Variants in ARHGAP24 observed in about 807,000 individuals in gnomAD.
The protein encoded by ARHGAP24 is Rho GTPase activating protein 24, also known as rho GTPase-activating protein 24.
Under a neutral mutation model 76.4 loss-of-function variants are expected in ARHGAP24, and 50 were observed. That is an observed-to-expected ratio of 0.65 (90% confidence interval 0.52 to 0.83). ARHGAP24 has a LOEUF of 0.83. Ranked by LOEUF, ARHGAP24 falls within the 40% of genes least tolerant of loss-of-function variation. The pLI, the probability that ARHGAP24 is intolerant of heterozygous loss-of-function variation, is 0.00. For missense variants in ARHGAP24, 930 were observed against 914.2 expected (o/e 1.02, Z -0.22); for synonymous variants, 345 against 323.3 (o/e 1.07, Z -0.72).
chr4:85,492,220 C>A (rs547434800), intron 1 of ARHGAP24, among the ~76,000 whole-genome samples: 4 of 152,092 alleles, frequency 2.6e-5, no homozygotes, highest in Admixed American at 1.3e-4. Flanking sequence ...ATTCCTTCTT[C>A]TTATTATTAC....
intron 2 of ARHGAP24, among the ~76,000 whole-genome samples, chr4:85,646,610 A>T (rs551842497): frequency 1.2e-4 from 19 of 152,208 alleles, no homozygotes; most frequent in African/African-American, 4.3e-4. Context: ...ATAGACCCTC[A>T]TTGAATAAAT....
intron 2 of ARHGAP24, among the ~76,000 whole-genome samples, chr4:85,671,110 G>A (rs1722801103): frequency 6.6e-6 from 1 of 152,058 alleles, no homozygotes; most frequent in Non-Finnish European, 1.5e-5. Context: ...ATTCTTAGAT[G>A]ACACCTTGTA....
At position 85,871,145 on chromosome 4, in the gene ARHGAP24, T is replaced by C. The variant is rs568368873; in HGVS notation, c.269-52503T>C. Among the ~76,000 whole-genome samples the C allele has an allele frequency of 1.1e-4, 17 of 152,228 alleles. 1 individual carries two copies. The South Asian group carries it at 3.5e-3, about 32-fold the overall frequency. ...ATAATTCTATTATACAGTCTTAGGGTTTAACCCCTACAATTGTTTTACATT... is the reference window on the plus strand; with the variant it reads ...ATAATTCTATTATACAGTCTTAGGGCTTAACCCCTACAATTGTTTTACATT... On this transcript the variant is annotated intron_variant, in intron 3 of 9. Coordinates refer to ENST00000395184, the MANE Select transcript of ARHGAP24 (RefSeq NM_001025616.3).
chr4:85,625,265 C>T (rs377040658), intron 2 of ARHGAP24, among the ~76,000 whole-genome samples: 18 of 152,028 alleles, frequency 1.2e-4, no homozygotes, highest in African/African-American at 1.7e-4. Flanking sequence ...GATTCTGGTA[C>T]GTTGTGTCTT....
chr4:85,799,472 T>C (rs1186677633), intron 3 of ARHGAP24, among the ~76,000 whole-genome samples: 1 of 152,182 alleles, frequency 6.6e-6, no homozygotes, highest in South Asian at 2.1e-4. Context: ...GAGTCTATAC[T>C]AATAGAAATA....
chr4:85,973,080 G>C (rs2148852185), intron 6 of ARHGAP24, among the ~76,000 whole-genome samples: 1 of 152,182 alleles, frequency 6.6e-6, no homozygotes, highest in East Asian at 1.9e-4. Flanking sequence ...TATATACCTA[G>C]AAGGTAGAAT....
intron 1 of ARHGAP24, among the ~76,000 whole-genome samples, chr4:85,561,235 A>G (rs980409099): frequency 6.6e-5 from 10 of 152,326 alleles, no homozygotes; most frequent in African/African-American, 2.4e-4. Context: ...AAGGATAAAT[A>G]GAAGTTAACC....
intron 1 of ARHGAP24, among the ~76,000 whole-genome samples, chr4:85,544,984 G>C (rs1725860344): frequency 6.6e-6 from 1 of 152,026 alleles, no homozygotes; most frequent in African/African-American, 2.4e-5. Flanking sequence ...GGTGACTGCA[G>C]ATCGTGTCAC....
intron 2 of ARHGAP24, among the ~76,000 whole-genome samples, chr4:85,720,812 AAAG>A (rs147482548): frequency 0.044 from 6,687 of 152,238 alleles, 445 homozygotes; most frequent in African/African-American, 0.15. Flanking sequence ...GAAACAAAGG[AAAG>A]AAGGTGCTTC....
At chr4:85,523,606 T>C (rs1004539532) in intron 1 of ARHGAP24, among the ~76,000 whole-genome samples, 1 of 152,190 alleles carries the variant, frequency 6.6e-6, no homozygotes, top group Non-Finnish European at 1.5e-5. Flanking sequence ...TTTCTTTAAC[T>C]TCATAATGCA....
chr4:85,533,902 T>G (rs1198476915), intron 1 of ARHGAP24, among the ~76,000 whole-genome samples: 2 of 152,212 alleles, frequency 1.3e-5, no homozygotes, highest in Non-Finnish European at 2.9e-5. Context: ...GTTAAGTCAC[T>G]CTCTTCGAAA....
intron 1 of ARHGAP24, among the ~76,000 whole-genome samples, chr4:85,493,523 C>T (rs1723440942): frequency 6.6e-6 from 1 of 152,180 alleles, no homozygotes; most frequent in Admixed American, 6.5e-5. Flanking sequence ...TCCATTACAA[C>T]TGATATTTAT....
intron 3 of ARHGAP24, among the ~76,000 whole-genome samples, chr4:85,915,042 T>A (rs560228250): frequency 7.9e-5 from 12 of 152,348 alleles, no homozygotes; most frequent in Non-Finnish European, 1.8e-4. Flanking sequence ...TCTACCTTTA[T>A]TTCTTGGAAG....
chr4:85,981,976 C>G (rs892515344), intron 8 of ARHGAP24, among the ~76,000 whole-genome samples: 2 of 152,100 alleles, frequency 1.3e-5, no homozygotes, highest in African/African-American at 4.8e-5. Flanking sequence ...TTCCTTCCCT[C>G]TACAGAGACA....
In ARHGAP24 at chr4:85,855,351, G is replaced by A. The variant is rs1731490329; in HGVS notation, c.269-68297G>A. Among the ~76,000 whole-genome samples the A allele has an allele frequency of 2.0e-5, 3 of 152,302 alleles. No homozygotes were observed. The South Asian group carries it at 6.2e-4, about 32-fold the overall frequency. On this transcript the variant is annotated intron_variant, in intron 3 of 9. Coordinates refer to ENST00000395184, the MANE Select transcript of ARHGAP24 (RefSeq NM_001025616.3). ...TGGGGTACATAGGAAAAAGTGGAGA[G>A]TGAAAGTGATCAAATACAGGACCAG...
At position 85,972,117 on chromosome 4, in the gene ARHGAP24, G is replaced by A. The variant is rs367696861; in HGVS notation, c.681G>A (p.Lys227=). The A allele has an allele frequency of 1.2e-5, 19 of 1,613,786 alleles. No homozygotes were observed. Among genetic ancestry groups the A allele is most frequent in the Non-Finnish European group, 1.6e-5 (19 of 1,179,982 alleles). The change falls in exon 6 of 10, where the codon AAG becomes AAA. Residue 227 remains lysine, a synonymous_variant. Coordinates refer to ENST00000395184, the MANE Select transcript of ARHGAP24 (RefSeq NM_001025616.3). ...CAGAACCAGTTATTCCTTATGCGAA[G>A]TATGAAGATTTTTTGTCATGTGCCA... The part of the protein sequence containing the change: ...ELPEPVIPYA[K]YEDFLSCAKL...
At chr4:85,642,886 GT>G (rs2109972039) in intron 2 of ARHGAP24, among the ~76,000 whole-genome samples, 1 of 152,220 alleles carries the variant, frequency 6.6e-6, no homozygotes, top group Admixed American at 6.5e-5. Flanking sequence ...AAGCTATAAA[GT>G]CCCTGCAGTG....
intron 3 of ARHGAP24, among the ~76,000 whole-genome samples, chr4:85,722,844 A>G (rs984761727): frequency 3.3e-5 from 5 of 152,210 alleles, no homozygotes; most frequent in African/African-American, 1.2e-4. Flanking sequence ...GTTCTTATCA[A>G]TAATGCAGTC....
intron 2 of ARHGAP24, among the ~76,000 whole-genome samples, chr4:85,715,488 G>A (rs1175401829): frequency 6.6e-6 from 1 of 151,964 alleles, no homozygotes; most frequent in African/African-American, 2.4e-5. Flanking sequence ...CCATGAAGTA[G>A]GATCTATTTT....
Sources: gnomAD v4.1 joint callset for allele counts (sites outside exome capture counted in the v4.1 genomes callset) on GRCh38, gnomAD v4.1.1 for gene constraint, MANE v1.5 for transcripts, NCBI Gene and HGNC (gene_info 2026-07-23, HGNC 2026-07-21) for gene names.